Variants in YTHDC2 observed in about 807,000 individuals in gnomAD.
YTHDC2 encodes the protein YTH N6-methyladenosine RNA binding protein C2, also known as 3'-5' RNA helicase YTHDC2.
Under a neutral mutation model 174.9 loss-of-function variants are expected in YTHDC2, and 45 were observed. The ratio of observed to expected loss-of-function variants is 0.26; its 90% confidence interval spans 0.20 to 0.33. The LOEUF (loss-of-function observed/expected upper bound fraction) is 0.33, where lower values mean the gene tolerates loss of function less well. Among genes scored for constraint, YTHDC2 ranks in the 10% least tolerant of loss-of-function variants. YTHDC2 has a pLI of 1.00. For synonymous variants in YTHDC2, 657 were observed against 574.5 expected (o/e 1.14, Z -2.05); for missense variants, 1,650 against 1,723.7 (o/e 0.96, Z 0.76).
At position 113,581,540 on chromosome 5, in the gene YTHDC2, T is replaced by C. The variant is rs1245271291; in HGVS notation, c.3478T>C (p.Leu1160=). Reference sequence around the variant, plus strand: ...TACCATAAGAGCAATTATAGCTGTTTTAAGCACTGAAGAACAGTCTGCAGG... The same window carrying C: ...TACCATAAGAGCAATTATAGCTGTTCTAAGCACTGAAGAACAGTCTGCAGG... ...EATIRAIIAV[L]STEEQSAGLQ... Residue 1160 remains leucine (L), a synonymous_variant, in exon 25 of 30, where the codon TTA becomes CTA. Transcript: ENST00000161863. 1.9e-6 allele frequency: 3 copies of C among 1,614,044 alleles called. No homozygotes were observed. The highest frequency in any genetic ancestry group is 2.2e-5 in the East Asian group (1 of 44,868).
chr5:113,580,456 A>G (rs191506128), intron 24 of YTHDC2, among the ~76,000 whole-genome samples: 5 of 152,184 alleles, frequency 3.3e-5, no homozygotes, highest in South Asian at 4.1e-4. Flanking sequence ...TCAAATTACA[A>G]ATTTTCATGA....
At chr5:113,539,492 G>A (rs1775303992) in intron 8 of YTHDC2, among the ~76,000 whole-genome samples, 2 of 152,206 alleles carry the variant, frequency 1.3e-5, no homozygotes, top group Admixed American at 1.3e-4. Flanking sequence ...ATCTCATAGG[G>A]AAGGACTGGG....
At chr5:113,550,525 G>T (rs4705830) in intron 12 of YTHDC2, among the ~76,000 whole-genome samples, 56,501 of 151,986 alleles carry the variant, frequency 0.37, 12,938 homozygotes, top group East Asian at 0.67. Flanking sequence ...AAAATTGTAG[G>T]AACTGGTGTG....
chr5:113,545,728 A>ATTTTTT (rs1159754942), intron 10 of YTHDC2, among the ~76,000 whole-genome samples: 2 of 49,480 alleles, frequency 4.0e-5, no homozygotes, highest in Non-Finnish European at 6.5e-5. Context: ...ATTGATCTCC[A>ATTTTTT]TTTTTTTTTT....
chr5:113,552,080 A>G (rs1776285624), intron 12 of YTHDC2, among the ~76,000 whole-genome samples: 1 of 152,198 alleles, frequency 6.6e-6, no homozygotes, highest in South Asian at 2.1e-4. Context: ...TGTGAACTAT[A>G]CATCAGAATA....
At chr5:113,560,929 T>C in intron 17 of YTHDC2, 151 bp from the exon 18 acceptor site, 1 of 580,362 alleles carries the variant, frequency 1.7e-6, no homozygotes, top group East Asian at 3.2e-5. Context: ...CTTTCCAAAA[T>C]GATTGATAAG....
chr5:113,524,815 G>C (rs988161806), intron 2 of YTHDC2, among the ~76,000 whole-genome samples, 166 bp from the exon 3 acceptor site: 1 of 151,994 alleles, frequency 6.6e-6, no homozygotes, highest in African/African-American at 2.4e-5. Flanking sequence ...GGCCACTTTA[G>C]CCCAAATCTT....
At chr5:113,567,929 C>A (rs1181038968) in intron 23 of YTHDC2, 80 bp downstream of exon 23, 4 of 1,116,516 alleles carry the variant, frequency 3.6e-6, no homozygotes, top group East Asian at 2.8e-5. Context: ...TTTACTAAAC[C>A]AAATAATGAA....
chr5:113,515,196 T>G, intron 1 of YTHDC2, 76 bp from the exon 2 acceptor site: 1 of 1,039,534 alleles, frequency 9.6e-7, no homozygotes, highest in East Asian at 2.4e-5. Context: ...GTTTTTCATA[T>G]TTTGTATCTG....
chr5:113,526,806 T>TTA, intron 4 of YTHDC2, 21 bp downstream of exon 4: 2 of 994,778 alleles, frequency 2.0e-6, no homozygotes, highest in Non-Finnish European at 2.5e-6. Context: ...TTTTTGTTGT[T>TTA]TATAGAAAAA....
chr5:113,594,312 G>A lies in YTHDC2; in HGVS notation c.*838G>A, dbSNP rs1779151792. 1 of 151,522 alleles carries A rather than the reference G, an allele frequency of 6.6e-6. No individual in the cohort carries two copies. Among genetic ancestry groups the A allele is most frequent in the African/African-American group, 2.4e-5 (1 of 41,166 alleles). 9.4% of individuals were successfully genotyped at this position (151,522 alleles called of 1,614,324 possible). A position where few individuals can be genotyped will look rare whatever the true frequency, so the allele number is the denominator to read the frequency against. Reference sequence around the variant, plus strand: ...CAGTAATTATGACCTTTTTGTTTTGGCTACAACTTGATTGAAACAAGTTCA... The same window carrying A: ...CAGTAATTATGACCTTTTTGTTTTGACTACAACTTGATTGAAACAAGTTCA... On this transcript the variant is annotated 3_prime_UTR_variant, in exon 30 of 30. Transcript: ENST00000161863.
At chr5:113,536,109 A>G (rs182689208) in intron 7 of YTHDC2, among the ~76,000 whole-genome samples, 80 of 152,342 alleles carry the variant, frequency 5.3e-4, no homozygotes, top group Middle Eastern at 3.4e-3. Context: ...AAAGTAGTCT[A>G]TACTCCCATG....
chr5:113,520,185 A>T (rs912298776), intron 2 of YTHDC2, among the ~76,000 whole-genome samples: 5 of 152,108 alleles, frequency 3.3e-5, no homozygotes, highest in African/African-American at 4.8e-5. Flanking sequence ...TTTGCTGAGG[A>T]TGATGGTTTC....
chr5:113,570,905 G>T (rs1234990406), intron 23 of YTHDC2, among the ~76,000 whole-genome samples: 1 of 152,014 alleles, frequency 6.6e-6, no homozygotes, highest in Non-Finnish European at 1.5e-5. Flanking sequence ...CTACCACCTC[G>T]GCCTCCCAAT....
Position 113,542,489 on chromosome 5 carries a change from C to A in YTHDC2, c.1481C>A (p.Thr494Asn). ...AFAQVFHLIL[T>N]ENVSVDYRHS... is the part of the protein sequence containing the mutation. Reference sequence around the variant, plus strand: ...GCTCAGGTCTTTCATCTCATTTTAACTGAAAATGTTAGTGGTAAGTTTATT... The same window carrying A: ...GCTCAGGTCTTTCATCTCATTTTAAATGAAAATGTTAGTGGTAAGTTTATT... The change falls in exon 10 of 30, where the codon ACT becomes AAT. Residue 494 changes from threonine (T) to asparagine (N), a missense_variant. This residue lies in a region of YTHDC2 where 411 missense variants were observed against 380.6 expected (regional missense o/e 1.08). Coordinates refer to ENST00000161863, the MANE Select transcript of YTHDC2 (RefSeq NM_022828.5). 6.2e-7 allele frequency: 1 copy of A among 1,601,744 alleles called. No individual in the cohort carries two copies. The highest frequency in any genetic ancestry group is 1.2e-5 in the South Asian group (1 of 86,778).
intron 23 of YTHDC2, among the ~76,000 whole-genome samples, chr5:113,577,884 T>G (rs1003762892): frequency 2.6e-4 from 40 of 152,166 alleles, no homozygotes; most frequent in African/African-American, 9.4e-4. Flanking sequence ...TGCTGAACTT[T>G]AGAAACATTA....
chr5:113,564,813 A>AT (rs1321146858), intron 20 of YTHDC2, among the ~76,000 whole-genome samples: 6 of 152,086 alleles, frequency 3.9e-5, no homozygotes, highest in Non-Finnish European at 8.8e-5. Flanking sequence ...GTGTCTATAC[A>AT]TTTTTTTGTT....
chr5:113,573,218 C>T (rs1777841795), intron 23 of YTHDC2, among the ~76,000 whole-genome samples: 1 of 152,152 alleles, frequency 6.6e-6, no homozygotes, highest in Non-Finnish European at 1.5e-5. Flanking sequence ...ATTTCTCCTT[C>T]ACTTATAAAG....
intron 9 of YTHDC2, 134 bp from the exon 10 acceptor site, chr5:113,542,234 A>G: frequency 1.1e-6 from 1 of 906,900 alleles, no homozygotes; most frequent in South Asian, 1.7e-5. Context: ...GAAAGGAGAA[A>G]TTTTTTATGT....
Sources: gnomAD v4.1 joint callset for allele counts (sites outside exome capture counted in the v4.1 genomes callset) on GRCh38, gnomAD v4.1.1 for gene constraint, gnomAD v4.1.1 regional missense constraint, MANE v1.5 for transcripts, NCBI Gene and HGNC (gene_info 2026-07-23, HGNC 2026-07-21) for gene names.